FGF13: variants seen among roughly 807,000 people sequenced by gnomAD.
FGF13 encodes fibroblast growth factor homologous factor 2.
In FGF13, 2 loss-of-function variants were observed where a neutral mutation model predicts 19.5. The ratio of observed to expected loss-of-function variants is 0.10; its 90% CI spans 0.04 to 0.32. FGF13 has a LOEUF of 0.32. FGF13 is among the 10% of genes least tolerant of loss of function. FGF13 has a pLI of 1.00. For synonymous variants in FGF13, 72 were observed against 76.9 expected (o/e 0.94, Z 0.33); for missense variants, 113 against 192.7 (o/e 0.59, Z 2.45).
chrX:138,848,414 C>T lies in FGF13; in HGVS notation c.217+9098G>A, dbSNP rs1020937158. On this transcript the variant is annotated intron_variant, in intron 3 of 6. Transcript: ENST00000436198. ...TTATTTCCTAAGGCAGTGATTCCAA[C>T]CCTGTTAGCACATTAGAATCACTTA... is the stretch of plus-strand genomic sequence containing the variant. Among the ~76,000 whole-genome samples the T allele has an allele frequency of 2.7e-5, 3 of 111,069 alleles. No individual in the cohort carries two copies. The South Asian group carries it at 1.1e-3, about 42-fold the overall frequency.
At chrX:139,120,773 C>T (rs750945699) in intron 1 of FGF13, among the ~76,000 whole-genome samples, 2 of 113,056 alleles carry the variant, frequency 1.8e-5, no homozygotes, top group African/African-American at 3.2e-5. Flanking sequence ...GGGCTTCCTA[C>T]GCCTTCAGGC....
At chrX:138,818,382 G>T (rs1391397938) in intron 3 of FGF13, among the ~76,000 whole-genome samples, 1 of 109,370 alleles carries the variant, frequency 9.1e-6, no homozygotes, top group Non-Finnish European at 1.9e-5. Context: ...CCATACGAAG[G>T]AATTTCTTAT....
chrX:138,672,397 G>A, intron 3 of FGF13, among the ~76,000 whole-genome samples: 1 of 111,393 alleles, frequency 9.0e-6, no homozygotes, highest in Non-Finnish European at 1.9e-5. Context: ...TTTAGTTCTG[G>A]AGTGCATATA....
At chrX:138,881,223 A>C (rs2091422242) in intron 1 of FGF13, among the ~76,000 whole-genome samples, 2 of 110,669 alleles carry the variant, frequency 1.8e-5, no homozygotes, top group South Asian at 7.6e-4. Flanking sequence ...TCCTTTTCGG[A>C]TTTTTCATTA....
chrX:138,643,317 C>G (rs1053714987), intron 3 of FGF13, among the ~76,000 whole-genome samples: 1 of 112,450 alleles, frequency 8.9e-6, no homozygotes, highest in Non-Finnish European at 1.9e-5. Flanking sequence ...CTGAAATAAG[C>G]TAGAAGTTAA....
At chrX:138,984,576 A>AAGGAGG (rs2091981694) in intron 1 of FGF13, among the ~76,000 whole-genome samples, 1 of 53,551 alleles carries the variant, frequency 1.9e-5, no homozygotes. Context: ...GAAGAAGAAG[A>AAGGAGG]AGAAGAAGAA....
Position 138,768,967 on chromosome X carries a change from G to A in FGF13, c.218-60039C>T, listed in dbSNP as rs752353788. Among the ~76,000 whole-genome samples the A allele has an allele frequency of 2.7e-5, 3 of 109,099 alleles. No individual in the cohort carries two copies. The Admixed American group carries it at 3.0e-4, about 11-fold the overall frequency. The allele number at this position is 109,099 out of a possible 115,157, so 94.7% of individuals were successfully genotyped here. A position where few individuals can be genotyped will look rare whatever the true frequency, so the allele number is the denominator to read the frequency against. On this transcript the variant is annotated intron_variant, in intron 3 of 6. Coordinates refer to the FGF13 transcript ENST00000436198. ...TCTTGACTGCTTTTGTTCTGTTCTG[G>A]GGGTGTCTAATTGTGTTATGCTGTG...
chrX:139,026,446 A>G (rs1248914273), intron 1 of FGF13, among the ~76,000 whole-genome samples: 3 of 112,375 alleles, frequency 2.7e-5, no homozygotes, highest in South Asian at 3.7e-4. Context: ...ATTCAAATCT[A>G]AAGTCAGTGA....
At chrX:138,879,198 T>C (rs982271281) in intron 1 of FGF13, among the ~76,000 whole-genome samples, 7 of 111,972 alleles carry the variant, frequency 6.3e-5, no homozygotes, top group African/African-American at 2.3e-4. Context: ...AAGTCCTTTG[T>C]CCATTCAATT....
intron 1 of FGF13, among the ~76,000 whole-genome samples, chrX:138,989,766 G>T (rs1443489656): frequency 1.0e-5 from 1 of 99,813 alleles, no homozygotes; most frequent in Non-Finnish European, 2.1e-5. Context: ...AAAAAAAATA[G>T]GTAATACATC....
intron 1 of FGF13, among the ~76,000 whole-genome samples, chrX:139,028,722 A>C (rs1219199791): frequency 2.0e-5 from 2 of 101,680 alleles, no homozygotes; most frequent in East Asian, 3.4e-4. Context: ...AGAGAGAGAG[A>C]GCGTGTGTGT....
At chrX:139,011,961 G>A (rs1195013437) in intron 1 of FGF13, among the ~76,000 whole-genome samples, 1 of 111,192 alleles carries the variant, frequency 9.0e-6, no homozygotes, top group Non-Finnish European at 1.9e-5. Flanking sequence ...CATCCAAAAA[G>A]CTCCTAGAAC....
chrX:138,816,383 G>C (rs937819921), intron 3 of FGF13, among the ~76,000 whole-genome samples: 13 of 111,922 alleles, frequency 1.2e-4, no homozygotes, highest in Admixed American at 8.5e-4. Context: ...ATTGCTGGTA[G>C]AAATATAAAA....
chrX:139,090,405 C>T (rs73243310), intron 1 of FGF13, among the ~76,000 whole-genome samples: 4,706 of 110,980 alleles, frequency 0.042, 114 homozygotes, highest in Non-Finnish European at 0.067. Context: ...GGCATTAATA[C>T]CTGTTACGTA....
chrX:138,973,835 G>C (rs1286247567), intron 1 of FGF13, among the ~76,000 whole-genome samples: 1 of 110,899 alleles, frequency 9.0e-6, no homozygotes, highest in African/African-American at 3.3e-5. Flanking sequence ...TTTTCTATTT[G>C]CAAAAAATAT....
chrX:139,067,807 C>T (rs2092362044), intron 1 of FGF13, among the ~76,000 whole-genome samples: 1 of 111,318 alleles, frequency 9.0e-6, no homozygotes, highest in Non-Finnish European at 1.9e-5. Flanking sequence ...CTGTTCATTT[C>T]CTTTGCCCAC....
intron 1 of FGF13, among the ~76,000 whole-genome samples, chrX:139,101,927 GTC>G (rs926936318): frequency 2.7e-5 from 3 of 112,152 alleles, no homozygotes; most frequent in African/African-American, 9.7e-5. Flanking sequence ...GAATGTCTTT[GTC>G]TCTCTCCTTC....
chrX:138,905,034 C>T (rs771133018), intron 1 of FGF13, among the ~76,000 whole-genome samples: 14 of 111,506 alleles, frequency 1.3e-4, no homozygotes, highest in Non-Finnish European at 2.1e-4. Context: ...CCAAACCTGA[C>T]GGAAAGAAAG....
intron 3 of FGF13, among the ~76,000 whole-genome samples, chrX:138,687,767 T>G (rs2089797741): frequency 9.0e-6 from 1 of 111,335 alleles, no homozygotes; most frequent in Non-Finnish European, 1.9e-5. Flanking sequence ...CATCAACAAA[T>G]GAACGAATAA....
Sources: allele counts gnomAD v4.1 joint callset (sites outside exome capture counted in the v4.1 genomes callset), GRCh38; gene constraint gnomAD v4.1.1; transcripts MANE v1.5; gene names NCBI Gene and HGNC (gene_info 2026-07-23, HGNC 2026-07-21).